PREX2: variants seen among roughly 807,000 people sequenced by gnomAD.
PREX2 encodes phosphatidylinositol-3,4,5-trisphosphate dependent Rac exchange factor 2.
In PREX2, 107 loss-of-function variants were observed where a neutral mutation model predicts 203.2. The observed-to-expected ratio is 0.53, with a 90% CI of 0.45 to 0.62. The LOEUF (loss-of-function observed/expected upper bound fraction) is 0.62, where lower values mean the gene tolerates loss of function less well. Among genes scored for constraint, PREX2 ranks in the 20% least tolerant of loss-of-function variants. The pLI, the probability that PREX2 is intolerant of heterozygous loss-of-function variation, is 0.00. For synonymous variants in PREX2, 672 were observed against 663.6 expected, an observed-to-expected ratio of 1.01 and a Z score of -0.19; for missense variants, 1,777 against 1,955.9, an observed-to-expected ratio of 0.91 and a Z score of 1.72.
rs1813242063 is a variant in PREX2, at chr8:68,235,070, T to G, written c.*3692T>G. The G allele has an allele frequency of 6.6e-5, 10 of 152,286 alleles. No individual in the cohort carries two copies. In the South Asian group the frequency reaches 2.1e-3, roughly 32 times the overall value. 9.4% of individuals were successfully genotyped at this position (152,286 alleles called of 1,614,324 possible). ...ATTTATTGATTTGGAAGTGTTCAAT[T>G]GAGAGTAAATGACTCTGTGTTTTGA... On this transcript the variant is annotated 3_prime_UTR_variant, in exon 40 of 40. Coordinates refer to ENST00000288368, the MANE Select transcript of PREX2 (RefSeq NM_024870.4).
intron 35 of PREX2, among the ~76,000 whole-genome samples, chr8:68,177,660 A>G (rs1388069641): frequency 2.6e-5 from 4 of 152,128 alleles, no homozygotes; most frequent in Admixed American, 2.0e-4. Flanking sequence ...TCTGGGATAC[A>G]TGTGCAGGAT....
intron 39 of PREX2, among the ~76,000 whole-genome samples, chr8:68,229,651 C>T (rs953891776): frequency 2.6e-5 from 4 of 152,136 alleles, no homozygotes; most frequent in African/African-American, 7.2e-5. Flanking sequence ...ACTCGTCTAC[C>T]CAGTGCTATT....
At chr8:68,000,402 A>T (rs1806905958) in intron 1 of PREX2, among the ~76,000 whole-genome samples, 3 of 152,174 alleles carry the variant, frequency 2.0e-5, no homozygotes, top group Admixed American at 2.0e-4. Flanking sequence ...GAGTTGAAAG[A>T]TCTCTACAAT....
At chr8:68,037,236 C>A (rs1157280417) in intron 6 of PREX2, among the ~76,000 whole-genome samples, 1 of 152,090 alleles carries the variant, frequency 6.6e-6, no homozygotes, top group East Asian at 1.9e-4. Flanking sequence ...TTTAAAGAAT[C>A]TTGATATAAT....
rs546547226 is a variant in PREX2 at position 68,200,771 on chromosome 8, A to C, written c.4604+8246A>C. ...CTTACTGCAGTGTTTTCTAGTTCTG[A>C]CATCTAGGAATCAGGTGATATTGGC... On this transcript the variant is annotated intron_variant, in intron 37 of 39. Coordinates refer to ENST00000288368, the MANE Select transcript of PREX2 (RefSeq NM_024870.4). 2.6e-5 allele frequency among the ~76,000 whole-genome samples: 4 copies of C among 152,252 alleles called. No homozygotes were observed. The South Asian group carries it at 8.3e-4, about 32-fold the overall frequency.
At chr8:68,191,312 C>T (rs1812288187) in intron 35 of PREX2, among the ~76,000 whole-genome samples, 1 of 152,146 alleles carries the variant, frequency 6.6e-6, no homozygotes, top group Non-Finnish European at 1.5e-5. Context: ...CTTCAATAGT[C>T]ACAAAAATGT....
chr8:68,190,228 T>C (rs1585854062), intron 35 of PREX2, among the ~76,000 whole-genome samples: 1 of 152,206 alleles, frequency 6.6e-6, no homozygotes, highest in Admixed American at 6.5e-5. Context: ...ATATCTAATA[T>C]GACAACTCAC....
chr8:68,108,468 G>T, intron 24 of PREX2, 137 bp downstream of exon 24: 3 of 640,672 alleles, frequency 4.7e-6, no homozygotes, highest in Non-Finnish European at 5.4e-6. Context: ...ATTTCTTGCT[G>T]TAATCATTTG....
chr8:68,083,418 T>A (rs899388491), intron 18 of PREX2, 30 bp downstream of exon 18: 5 of 1,527,830 alleles, frequency 3.3e-6, no homozygotes, highest in Middle Eastern at 1.7e-4. Context: ...TGTGATTTTT[T>A]AAAAGTTATA....
intron 29 of PREX2, among the ~76,000 whole-genome samples, chr8:68,120,585 G>A (rs886919972): frequency 1.2e-4 from 19 of 152,250 alleles, no homozygotes; most frequent in African/African-American, 4.3e-4. Flanking sequence ...GAAACCAAGC[G>A]TAATGTCTTC....
chr8:68,112,441 G>A (rs1282344304), intron 25 of PREX2, among the ~76,000 whole-genome samples: 1 of 152,078 alleles, frequency 6.6e-6, no homozygotes, highest in African/African-American at 2.4e-5. Context: ...GGATTGAGTG[G>A]TGAACAAACC....
At chr8:68,044,443 C>A in intron 7 of PREX2, 44 bp from the exon 8 acceptor site, 2 of 1,351,312 alleles carry the variant, frequency 1.5e-6, no homozygotes, top group Non-Finnish European at 2.1e-6. Flanking sequence ...CATTGTTTTA[C>A]ATTGTTTAGT....
chr8:68,037,708 C>A (rs1808073470), intron 6 of PREX2, among the ~76,000 whole-genome samples: 1 of 152,064 alleles, frequency 6.6e-6, no homozygotes. Context: ...TTTTCTCCAT[C>A]CTAGGGGTGG....
chr8:68,135,211 A>G (rs1319541549), intron 32 of PREX2, among the ~76,000 whole-genome samples: 1 of 152,010 alleles, frequency 6.6e-6, no homozygotes, highest in Non-Finnish European at 1.5e-5. Flanking sequence ...GTAAGGCTTT[A>G]TTTTATTTCT....
chr8:68,176,764 A>C (rs545854993), intron 35 of PREX2: 3 of 152,298 alleles, frequency 2.0e-5, no homozygotes, highest in Non-Finnish European at 4.4e-5. Flanking sequence ...AACAAAATTA[A>C]CATCAAGAGT....
intron 38 of PREX2, among the ~76,000 whole-genome samples, chr8:68,218,226 C>A (rs1160590601): frequency 6.6e-6 from 1 of 152,244 alleles, no homozygotes; most frequent in East Asian, 1.9e-4. Context: ...AAATAGCAGT[C>A]TTTGGACTGT....
In PREX2 at chr8:67,952,327, G is replaced by A; in HGVS notation, c.-68G>A. On this transcript the variant is annotated 5_prime_UTR_variant, in exon 1 of 40. Coordinates refer to ENST00000288368, the MANE Select transcript of PREX2 (RefSeq NM_024870.4). Reference sequence around the variant, plus strand: ...TTCCATTCTCGCCGCCGGGGGCCGGGCAGCAGCGGGCGCGCGGGTCAGCGC... The same window carrying A: ...TTCCATTCTCGCCGCCGGGGGCCGGACAGCAGCGGGCGCGCGGGTCAGCGC... The A allele has an allele frequency of 1.5e-6, 2 of 1,306,076 alleles. No individual in the cohort carries two copies. The highest frequency in any genetic ancestry group is 2.4e-5 in the South Asian group (1 of 42,028). 80.9% of individuals were successfully genotyped at this position (1,306,076 alleles called of 1,614,324 possible). A position where few individuals can be genotyped will look rare whatever the true frequency, so the allele number is the denominator to read the frequency against.
At chr8:67,998,946 T>G (rs1408401935) in intron 1 of PREX2, among the ~76,000 whole-genome samples, 1 of 152,206 alleles carries the variant, frequency 6.6e-6, no homozygotes, top group East Asian at 1.9e-4. Flanking sequence ...TTTATTTCCT[T>G]TAGGTTTCTT....
At chr8:68,186,421 G>A (rs1812188554) in intron 35 of PREX2, among the ~76,000 whole-genome samples, 1 of 152,160 alleles carries the variant, frequency 6.6e-6, no homozygotes, top group Admixed American at 6.6e-5. Context: ...TGTCTTTTAA[G>A]AGTATTTTAA....
Sources: gnomAD v4.1 joint callset for allele counts (sites outside exome capture counted in the v4.1 genomes callset) on GRCh38, gnomAD v4.1.1 for gene constraint, MANE v1.5 for transcripts, NCBI Gene and HGNC (gene_info 2026-07-23, HGNC 2026-07-21) for gene names.